Variants in XXYLT1 observed in about 807,000 individuals in gnomAD.
The protein encoded by XXYLT1 is xyloside xylosyltransferase 1.
In XXYLT1, 20 loss-of-function variants were observed where a neutral mutation model predicts 28.9. The ratio of observed to expected loss-of-function variants is 0.69; its 90% CI spans 0.49 to 1.00. XXYLT1 has a LOEUF of 1.00. Ranked by LOEUF, XXYLT1 falls within the 50% of genes least tolerant of loss-of-function variation. The probability of loss-of-function intolerance (pLI) is 0.00; values close to 1 mark genes in which losing one functional copy is unlikely to be tolerated. For missense variants in XXYLT1, 542 were observed against 560.1 expected, an observed-to-expected ratio of 0.97 and a Z score of 0.33; for synonymous variants, 257 against 253.8, an observed-to-expected ratio of 1.01 and a Z score of -0.12.
At chr3:195,211,251 G>C (rs1459760630) in intron 2 of XXYLT1, among the ~76,000 whole-genome samples, 1 of 152,114 alleles carries the variant, frequency 6.6e-6, no homozygotes, top group Non-Finnish European at 1.5e-5. Context: ...AAAATTAGCC[G>C]GGCGTGGTGG....
chr3:195,192,347 C>T (rs1722458318), intron 2 of XXYLT1, among the ~76,000 whole-genome samples: 1 of 151,486 alleles, frequency 6.6e-6, no homozygotes, highest in African/African-American at 2.4e-5. Context: ...ATTGCTTGAA[C>T]CCAGGAAGCA....
At chr3:195,114,395 G>A (rs1404286589) in intron 3 of XXYLT1, among the ~76,000 whole-genome samples, 4 of 152,164 alleles carry the variant, frequency 2.6e-5, no homozygotes, top group Admixed American at 2.0e-4. Flanking sequence ...TTCCACCTGC[G>A]TTGAGCTTCT....
In XXYLT1 at chr3:195,076,514, T is replaced by C. The variant is rs538201158; in HGVS notation, c.786-6403A>G. Among the ~76,000 whole-genome samples the C allele has an allele frequency of 2.0e-5, 3 of 152,268 alleles. No individual in the cohort carries two copies. In the South Asian group the frequency reaches 6.2e-4, roughly 32 times the overall value. Reference sequence around the variant, plus strand: ...GTTGCCCCTGTTACAGCCTGCACAGTGGGCCTCATTTTTACCTAAAGACCA... The same window carrying C: ...GTTGCCCCTGTTACAGCCTGCACAGCGGGCCTCATTTTTACCTAAAGACCA... On this transcript the variant is annotated intron_variant, in intron 3 of 3. Transcript: ENST00000310380. The surrounding 1 kb of genome is among the most constrained non-coding windows in gnomAD (Gnocchi z 5.3).
chr3:195,212,918 G>A (rs545912367), intron 2 of XXYLT1, among the ~76,000 whole-genome samples: 19 of 152,282 alleles, frequency 1.2e-4, no homozygotes, highest in Non-Finnish European at 1.9e-4. Flanking sequence ...GGTCAGTGCC[G>A]CGAGGGCGCT....
chr3:195,192,961 C>T (rs1722484193), intron 2 of XXYLT1, among the ~76,000 whole-genome samples: 1 of 151,966 alleles, frequency 6.6e-6, no homozygotes, highest in Non-Finnish European at 1.5e-5. Context: ...TATATACTAG[C>T]AACAAAACAA....
At chr3:195,187,358 C>G (rs1417632396) in intron 2 of XXYLT1, among the ~76,000 whole-genome samples, 1 of 152,148 alleles carries the variant, frequency 6.6e-6, no homozygotes, top group Admixed American at 6.5e-5. Context: ...CCACCATGCC[C>G]GGCCAGCTGA....
chr3:195,112,177 A>G (rs1038422299), intron 3 of XXYLT1, among the ~76,000 whole-genome samples: 1 of 152,158 alleles, frequency 6.6e-6, no homozygotes, highest in African/African-American at 2.4e-5. Context: ...GAACTAGGAA[A>G]CTGAGGCTTG....
At chr3:195,188,553 G>C (rs922555193) in intron 2 of XXYLT1, among the ~76,000 whole-genome samples, 1 of 152,252 alleles carries the variant, frequency 6.6e-6, no homozygotes, top group African/African-American at 2.4e-5. Context: ...TCAAGGAGCA[G>C]TACCTCTGCT....
chr3:195,114,026 T>C (rs1000627666), intron 3 of XXYLT1, among the ~76,000 whole-genome samples: 4 of 152,158 alleles, frequency 2.6e-5, no homozygotes, highest in African/African-American at 9.7e-5. Flanking sequence ...GAGTGCCCAA[T>C]TTGGCTAGAG....
chr3:195,209,657 GA>G lies in XXYLT1; in HGVS notation c.652+17051del. 6.6e-6 allele frequency: 1 copy of G among 152,584 alleles called. No homozygotes were observed. Among genetic ancestry groups the G allele is most frequent in the Non-Finnish European group, 1.5e-5 (1 of 68,330 alleles). 9.5% of individuals were successfully genotyped at this position (152,584 alleles called of 1,614,324 possible). A position where few individuals can be genotyped will look rare whatever the true frequency, so the allele number is the denominator to read the frequency against. On this transcript the variant is annotated intron_variant, in intron 2 of 3. Coordinates refer to ENST00000310380, the MANE Select transcript of XXYLT1 (RefSeq NM_152531.5). The surrounding 1 kb of genome is among the most constrained non-coding windows in gnomAD (Gnocchi z 5.0). Reference sequence around the variant, plus strand: ...CGGCAGAGTGTGGGTCTGAACCAGAGAAAAAGGCTGCAGCACAGGAGGGATG... The same window carrying G: ...CGGCAGAGTGTGGGTCTGAACCAGAGAAAAGGCTGCAGCACAGGAGGGATG...
Position 195,209,973 on chromosome 3 carries a change from G to A in XXYLT1, c.652+16736C>T, listed in dbSNP as rs1189669472. 1 of 152,654 alleles carries A rather than the reference G, an allele frequency of 6.6e-6. No individual in the cohort carries two copies. Among genetic ancestry groups the A allele is most frequent in the Non-Finnish European group, 1.5e-5 (1 of 68,420 alleles). 9.5% of individuals were successfully genotyped at this position (152,654 alleles called of 1,614,324 possible). ...ACAAAGTTCGGGACAAAGAGAAGAC[G>A]CTCAGCAGAGTCAGCCCCAGAGGCG... On this transcript the variant is annotated intron_variant, in intron 2 of 3. Transcript: ENST00000310380. This position sits in a 1 kb window ranked among gnomAD's most constrained non-coding sequence, Gnocchi z 5.0.
chr3:195,153,635 G>C (rs891479343), intron 3 of XXYLT1, among the ~76,000 whole-genome samples: 1 of 152,204 alleles, frequency 6.6e-6, no homozygotes, highest in Non-Finnish European at 1.5e-5. Flanking sequence ...AAATCTTTCA[G>C]AGCTTTCTTT....
At chr3:195,096,526 G>A (rs767821125) in intron 3 of XXYLT1, among the ~76,000 whole-genome samples, 3 of 152,002 alleles carry the variant, frequency 2.0e-5, no homozygotes, top group East Asian at 1.9e-4. Context: ...ACACACACAC[G>A]CATACATTTC....
intron 1 of XXYLT1, among the ~76,000 whole-genome samples, chr3:195,252,721 C>CAGAGAGAGAGAG (rs1313681253): frequency 7.2e-4 from 97 of 134,896 alleles, no homozygotes; most frequent in Middle Eastern, 7.4e-3. Context: ...CACACACACA[C>CAGAGAGAGAGAG]ACACACAGAG....
chr3:195,253,503 CTT>C (rs1231480044), intron 1 of XXYLT1, among the ~76,000 whole-genome samples: 8 of 130,212 alleles, frequency 6.1e-5, no homozygotes, highest in Non-Finnish European at 9.8e-5. Flanking sequence ...CTTTTTTTTT[CTT>C]TTTTTTTTTT....
intron 1 of XXYLT1, among the ~76,000 whole-genome samples, chr3:195,231,289 G>T (rs1275228505): frequency 1.3e-5 from 2 of 151,926 alleles, no homozygotes; most frequent in South Asian, 2.1e-4. Flanking sequence ...TTTTTTGGTG[G>T]AGTCTTTAGG....
At chr3:195,100,657 C>T (rs185100532) in intron 3 of XXYLT1, among the ~76,000 whole-genome samples, 43 of 152,264 alleles carry the variant, frequency 2.8e-4, no homozygotes, top group Admixed American at 7.2e-4. Context: ...ACGCTACCCT[C>T]ACTGAGGCTG....
At chr3:195,123,672 T>C (rs1718479859) in intron 3 of XXYLT1, among the ~76,000 whole-genome samples, 1 of 152,190 alleles carries the variant, frequency 6.6e-6, no homozygotes, top group Non-Finnish European at 1.5e-5. Context: ...GATTGCGGAT[T>C]CCAAGGCAGT....
At chr3:195,231,751 GA>G (rs1169176874) in intron 1 of XXYLT1, among the ~76,000 whole-genome samples, 1 of 146,038 alleles carries the variant, frequency 6.8e-6, no homozygotes, top group Admixed American at 6.7e-5. Context: ...CATGATGAAT[GA>G]TTTTTTTTTT....
Sources: allele counts gnomAD v4.1 joint callset (sites outside exome capture counted in the v4.1 genomes callset), GRCh38; gene constraint gnomAD v4.1.1; non-coding constraint Gnocchi (gnomAD v3.1); transcripts MANE v1.5; gene names NCBI Gene and HGNC (gene_info 2026-07-23, HGNC 2026-07-21).